Variants in SMARCA5 observed in about 807,000 individuals in gnomAD.
The protein encoded by SMARCA5 is SNF2 related chromatin remodeling ATPase 5.
Under a neutral mutation model 140.4 loss-of-function variants are expected in SMARCA5, and 18 were observed. The observed-to-expected ratio is 0.13, with a 90% CI of 0.09 to 0.19. The LOEUF (loss-of-function observed/expected upper bound fraction) is 0.19. Ranked by LOEUF, SMARCA5 falls within the 10% of genes least tolerant of loss-of-function variation. SMARCA5 has a pLI of 1.00. For synonymous variants in SMARCA5, 449 were observed against 419.6 expected (o/e 1.07, Z -0.86); for missense variants, 606 against 1,276.8 (o/e 0.47, Z 8.01).
intron 23 of SMARCA5, among the ~76,000 whole-genome samples, chr4:143,552,553 C>T (rs953819397): frequency 1.3e-5 from 2 of 151,896 alleles, no homozygotes; most frequent in Non-Finnish European, 2.9e-5. Flanking sequence ...CAAGTGTGTA[C>T]ACATCTCATT....
chr4:143,531,006 G>C (rs1176818888), intron 9 of SMARCA5, among the ~76,000 whole-genome samples: 1 of 152,150 alleles, frequency 6.6e-6, no homozygotes, highest in Non-Finnish European at 1.5e-5. Flanking sequence ...TGTAGAGATA[G>C]TGTTTCACCA....
At chr4:143,524,932 G>A (rs781216374) in intron 4 of SMARCA5, among the ~76,000 whole-genome samples, 6 of 151,966 alleles carry the variant, frequency 3.9e-5, no homozygotes, top group Non-Finnish European at 5.9e-5. Context: ...TCAGGTGACC[G>A]TTATGTATAT....
intron 9 of SMARCA5, among the ~76,000 whole-genome samples, chr4:143,534,208 CTT>C (rs1737257350): frequency 1.3e-5 from 2 of 151,792 alleles, no homozygotes; most frequent in African/African-American, 4.8e-5. Flanking sequence ...AAATGTAACT[CTT>C]AGATGCACTG....
At chr4:143,539,177 G>A (rs1030035238) in intron 13 of SMARCA5, among the ~76,000 whole-genome samples, 2 of 152,108 alleles carry the variant, frequency 1.3e-5, no homozygotes, top group South Asian at 4.2e-4. Context: ...GGCAGAAGGG[G>A]GAAACGATAG....
chr4:143,518,882 C>T (rs1373537260), intron 2 of SMARCA5, among the ~76,000 whole-genome samples: 3 of 152,078 alleles, frequency 2.0e-5, no homozygotes, highest in Non-Finnish European at 2.9e-5. Context: ...ACACACTCTG[C>T]TGGTGAATCT....
chr4:143,548,467 G>A (rs1237959018), intron 22 of SMARCA5, among the ~76,000 whole-genome samples: 1 of 151,956 alleles, frequency 6.6e-6, no homozygotes, highest in Non-Finnish European at 1.5e-5. Context: ...TTGCATTCAA[G>A]CATCTGCACA....
rs1488668496 is a variant in SMARCA5 at position 143,554,933 on chromosome 4, A to T, written c.*1749A>T. ...TAGGGACTCAAATGGAAACTGTGTG[A>T]AGGGAAACTCACTTGAAAAAAAAGC... On this transcript the variant is annotated 3_prime_UTR_variant, in exon 24 of 24. Coordinates refer to ENST00000283131, the MANE Select transcript of SMARCA5 (RefSeq NM_003601.4). 2 of 380,122 alleles carry T rather than the reference A, an allele frequency of 5.3e-6. No homozygotes were observed. Among genetic ancestry groups the T allele is most frequent in the Non-Finnish European group, 1.0e-5 (2 of 200,122 alleles). 23.5% of individuals were successfully genotyped at this position (380,122 alleles called of 1,614,324 possible).
intron 14 of SMARCA5, 113 bp downstream of exon 14, chr4:143,540,608 G>C: frequency 3.1e-6 from 3 of 965,798 alleles, no homozygotes; most frequent in Non-Finnish European, 4.7e-6. Flanking sequence ...CAAGCTTGCA[G>C]CCAGTAGAGA....
rs964336017 is a variant in SMARCA5 at position 143,554,599 on chromosome 4, A to G, written c.*1415A>G. ...GGAATTGCTGCTGTTAATGTCAAGCAAAACGCAGTATTTATGGCAAATTGT... is the reference window on the plus strand; with the variant it reads ...GGAATTGCTGCTGTTAATGTCAAGCGAAACGCAGTATTTATGGCAAATTGT... On this transcript the variant is annotated 3_prime_UTR_variant, in exon 24 of 24. Coordinates refer to ENST00000283131, the MANE Select transcript of SMARCA5 (RefSeq NM_003601.4). 3.3e-5 allele frequency: 5 copies of G among 152,602 alleles called. No individual in the cohort carries two copies. Among genetic ancestry groups the G allele is most frequent in the Non-Finnish European group, 7.3e-5 (5 of 68,360 alleles). 9.5% of individuals were successfully genotyped at this position (152,602 alleles called of 1,614,324 possible).
Position 143,526,318 on chromosome 4 carries a change from G to A in SMARCA5, c.659G>A (p.Gly220Glu). The A allele has an allele frequency of 6.2e-7, 1 of 1,613,740 alleles. No homozygotes were observed. Among genetic ancestry groups the A allele is most frequent in the Admixed American group, 1.7e-5 (1 of 59,992 alleles). The stretch of plus-strand genomic sequence containing the variant: ...ACTCTTCAAACAATTTCTCTTCTTG[G>A]GTACATGAAACATTATAGAAACATT... ...GKTLQTISLL[G>E]YMKHYRNIPG... The change falls in exon 6 of 24, where the codon GGG (glycine) becomes GAG (glutamate). Residue 220 changes from glycine (G) to glutamate (E), a missense_variant. Physicochemically the swap from Gly to Glu is moderately conservative, Grantham distance 98. Coordinates refer to ENST00000283131, the MANE Select transcript of SMARCA5 (RefSeq NM_003601.4).
At chr4:143,528,452 A>T (rs1455351365) in intron 7 of SMARCA5, 131 bp from the exon 8 acceptor site, 2 of 669,514 alleles carry the variant, frequency 3.0e-6, no homozygotes, top group South Asian at 2.1e-5. Context: ...CTATTCGCTG[A>T]TGTATATGTG....
At chr4:143,540,314 T>C in intron 13 of SMARCA5, 49 bp from the exon 14 acceptor site, 2 of 1,493,796 alleles carry the variant, frequency 1.3e-6, no homozygotes, top group Non-Finnish European at 1.8e-6. Context: ...TTCAGTGTTA[T>C]TTATGTGACT....
intron 2 of SMARCA5, among the ~76,000 whole-genome samples, chr4:143,517,914 A>G (rs968246900): frequency 1.3e-5 from 2 of 152,192 alleles, no homozygotes; most frequent in Admixed American, 1.3e-4. Flanking sequence ...GGAATACTAT[A>G]ACTTCCATAT....
rs1553962442 is a variant in SMARCA5, at chr4:143,547,913, A to G, written c.2773-15A>G. On this transcript the variant is annotated splice_polypyrimidine_tract_variant and intron_variant, in intron 21 of 23. Transcript: ENST00000283131. ...GGATTTGTATTTTATATAATATAAA[A>G]TCTGACTTTCATAGATTGGACGGTA... is the stretch of plus-strand genomic sequence containing the variant. The G allele has an allele frequency of 7.0e-7, 1 of 1,433,074 alleles. No individual in the cohort carries two copies. Among genetic ancestry groups the G allele is most frequent in the South Asian group, 1.3e-5 (1 of 76,554 alleles). 88.8% of individuals were successfully genotyped at this position (1,433,074 alleles called of 1,614,324 possible). A position where few individuals can be genotyped will look rare whatever the true frequency, so the allele number is the denominator to read the frequency against.
At position 143,528,604 on chromosome 4, in the gene SMARCA5, T is replaced by G. The variant is rs1737121844; in HGVS notation, c.979T>G (p.Phe327Val). 1 of 1,611,274 alleles carries G rather than the reference T, an allele frequency of 6.2e-7. No individual in the cohort carries two copies. The highest frequency in any genetic ancestry group is 1.3e-5 in the African/African-American group (1 of 74,840). Residue 327 changes from phenylalanine (F) to valine (V), a missense_variant, in exon 8 of 24, where the codon TTC becomes GTC. Physicochemically the swap from Phe to Val is conservative, Grantham distance 50. Coordinates refer to ENST00000283131, the MANE Select transcript of SMARCA5 (RefSeq NM_003601.4). ...TCAGTTGTCAGAAATAGTGAGGGAA[T>G]TCAAGACTACAAATAGACTATTATT... ...KSKLSEIVRE[F>V]KTTNRLLLTG... is the part of the protein sequence containing the mutation.
intron 2 of SMARCA5, among the ~76,000 whole-genome samples, chr4:143,519,506 G>T (rs1736911325): frequency 6.6e-6 from 1 of 151,952 alleles, no homozygotes; most frequent in South Asian, 2.1e-4. Context: ...TTTTTCAGTG[G>T]CTCTCTACAA....
chr4:143,551,731 C>A lies in SMARCA5; in HGVS notation c.3094-1388C>A, dbSNP rs547166032. On this transcript the variant is annotated intron_variant, in intron 23 of 23. Transcript: ENST00000283131. Reference sequence around the variant, plus strand: ...AGATGTATGGACTTTACGGACTTATCTCTGGGTTCTCTGTTCTTTTCCACT... The same window carrying A: ...AGATGTATGGACTTTACGGACTTATATCTGGGTTCTCTGTTCTTTTCCACT... 6.6e-5 allele frequency among the ~76,000 whole-genome samples: 10 copies of A among 151,924 alleles called. No individual in the cohort carries two copies. In the South Asian group the frequency reaches 2.1e-3, roughly 31 times the overall value.
At chr4:143,520,686 T>A (rs1736939216) in intron 2 of SMARCA5, among the ~76,000 whole-genome samples, 1 of 152,216 alleles carries the variant, frequency 6.6e-6, no homozygotes, top group Non-Finnish European at 1.5e-5. Context: ...GAGCTTTTCT[T>A]GTCTTGCTTC....
chr4:143,539,406 C>T lies in SMARCA5; in HGVS notation c.1770+468C>T, dbSNP rs528277481. ...CTTCCACTTTAGTTATTTAAAAGAA[C>T]ACCTGTGTGAGAGTACCTGGTCAGA... On this transcript the variant is annotated intron_variant, in intron 13 of 23. Transcript: ENST00000283131. 7.9e-5 allele frequency among the ~76,000 whole-genome samples: 12 copies of T among 152,278 alleles called. No homozygotes were observed. In the East Asian group the frequency reaches 1.9e-3, roughly 24 times the overall value.
Sources: allele counts gnomAD v4.1 joint callset (sites outside exome capture counted in the v4.1 genomes callset), GRCh38; gene constraint gnomAD v4.1.1; transcripts MANE v1.5; gene names NCBI Gene and HGNC (gene_info 2026-07-23, HGNC 2026-07-21).